Variants in MYLK4 observed in about 807,000 individuals in gnomAD.
MYLK4 encodes the protein myosin light chain kinase family member 4.
In MYLK4, 46 loss-of-function variants were observed where a neutral mutation model predicts 48.1. The ratio of observed to expected loss-of-function variants is 0.96; its 90% confidence interval spans 0.75 to 1.22. MYLK4 has a LOEUF of 1.22. Among genes scored for constraint, MYLK4 ranks in the 50% most tolerant of loss-of-function variants. The pLI is 0.00. For missense variants in MYLK4, 451 were observed against 486.1 expected, an observed-to-expected ratio of 0.93 and a Z score of 0.68; for synonymous variants, 170 against 180.8, an observed-to-expected ratio of 0.94 and a Z score of 0.48.
intron 2 of MYLK4, among the ~76,000 whole-genome samples, chr6:2,738,768 T>C (rs1398733444): frequency 6.6e-6 from 1 of 152,264 alleles, no homozygotes; most frequent in Non-Finnish European, 1.5e-5. Context: ...TCATCACTGA[T>C]AGCGCTTGTT....
At chr6:2,766,966 A>G in the MYLK4 span, among the ~76,000 whole-genome samples, 31 of 152,346 alleles carry the variant, frequency 2.0e-4, no homozygotes, top group Non-Finnish European at 2.6e-4. Context: ...TTTATTTAAC[A>G]TTCTTATATT....
rs1226049275 is a variant in MYLK4 at position 2,665,505 on chromosome 6, TCAAAA to T, written c.*2415_*2419del. 2 of 152,176 alleles carry T rather than the reference TCAAAA, an allele frequency of 1.3e-5. No homozygotes were observed. The highest frequency in any genetic ancestry group is 4.8e-5 in the African/African-American group (2 of 41,436). 9.4% of individuals were successfully genotyped at this position (152,176 alleles called of 1,614,324 possible). A position where few individuals can be genotyped will look rare whatever the true frequency, so the allele number is the denominator to read the frequency against. On this transcript the variant is annotated 3_prime_UTR_variant, in exon 13 of 13. Transcript: ENST00000274643. ...CAAAGTACAGTCTCCTTTCTAAACC[TCAAAA>T]CAAAACAAAAATCACACCCACTCAC... is the stretch of plus-strand genomic sequence containing the variant.
rs142350681 is a variant in MYLK4, at chr6:2,729,327, G to C, written c.159+19809C>G. On this transcript the variant is annotated intron_variant, in intron 2 of 12. Coordinates refer to ENST00000274643, the MANE Select transcript of MYLK4 (RefSeq NM_001012418.5). ...GGAAAGACAGATGGAAGAGAATTCA[G>C]GGACCAGCAAGCACATGGGGTAAAA... Among the ~76,000 whole-genome samples the C allele has an allele frequency of 1.3e-3, 205 of 152,350 alleles. 1 individual carries two copies. The East Asian group carries it at 0.033, about 24-fold the overall frequency.
At chr6:2,763,649 C>T in the MYLK4 span, among the ~76,000 whole-genome samples, 1 of 152,394 alleles carries the variant, frequency 6.6e-6, no homozygotes, top group East Asian at 1.9e-4. Context: ...CGCGCCTCTC[C>T]CACCATACTT....
chr6:2,679,152 C>A (rs1166442905), intron 9 of MYLK4, 128 bp downstream of exon 9: 1 of 1,104,300 alleles, frequency 9.1e-7, no homozygotes, highest in Non-Finnish European at 1.3e-6. Context: ...ACCTAGAAGG[C>A]AACTGAGGAT....
intron 9 of MYLK4, among the ~76,000 whole-genome samples, chr6:2,679,073 C>T (rs1020001966): frequency 6.6e-6 from 1 of 152,160 alleles, no homozygotes; most frequent in Non-Finnish European, 1.5e-5. Flanking sequence ...ATGAAGAGGA[C>T]ACACATTTAC....
the MYLK4 span, among the ~76,000 whole-genome samples, chr6:2,764,869 C>G: frequency 2.0e-5 from 3 of 151,758 alleles, no homozygotes; most frequent in Non-Finnish European, 4.4e-5. Context: ...GTGAGCATTT[C>G]TTTCACTCGC....
In MYLK4 at chr6:2,667,739, G is replaced by A. The variant is rs547984619; in HGVS notation, c.*186C>T. ...GCCCTGAGACCAGACCGCAGCGCTG[G>A]GTGTTCCTCTGAGCGCAGCAGAGGC... is the stretch of plus-strand genomic sequence containing the variant. On this transcript the variant is annotated 3_prime_UTR_variant, in exon 13 of 13. Coordinates refer to ENST00000274643, the MANE Select transcript of MYLK4 (RefSeq NM_001012418.5). The A allele has an allele frequency of 9.2e-5, 14 of 152,704 alleles. No homozygotes were observed. Among genetic ancestry groups the A allele is most frequent in the African/African-American group, 3.1e-4 (13 of 41,548 alleles). 9.5% of individuals were successfully genotyped at this position (152,704 alleles called of 1,614,324 possible). A position where few individuals can be genotyped will look rare whatever the true frequency, so the allele number is the denominator to read the frequency against.
At chr6:2,692,968 G>C in intron 2 of MYLK4, 109 bp from the exon 3 acceptor site, 1 of 988,522 alleles carries the variant, frequency 1.0e-6, no homozygotes, top group East Asian at 2.7e-5. Flanking sequence ...GGAATGTCAC[G>C]AGCATTACAG....
rs529192050 is a variant in MYLK4, at chr6:2,714,696, T to C, written c.160-21837A>G. The stretch of plus-strand genomic sequence containing the variant: ...CAGCTTACTCACAATAGCCAAATGG[T>C]GGAAACAAACCAAGTGTCCGCTGAC... On this transcript the variant is annotated intron_variant, in intron 2 of 12. Coordinates refer to ENST00000274643, the MANE Select transcript of MYLK4 (RefSeq NM_001012418.5). 1.9e-3 allele frequency among the ~76,000 whole-genome samples: 287 copies of C among 152,314 alleles called. 4 individuals are homozygous for C. Among genetic ancestry groups the C allele is most frequent in the Non-Finnish European group, 2.0e-3 (133 of 68,014 alleles).
At chr6:2,769,977 T>G in the MYLK4 span, 1 of 1,204,406 alleles carries the variant, frequency 8.3e-7, no homozygotes, top group Non-Finnish European at 1.2e-6. Flanking sequence ...TGCATCTATA[T>G]TCAGTGAATA....
At chr6:2,766,253 C>G in the MYLK4 span, 1 of 1,523,184 alleles carries the variant, frequency 6.6e-7, no homozygotes, top group South Asian at 1.2e-5. Flanking sequence ...CCCGCACCCC[C>G]GGGCGCTGGC....
chr6:2,728,275 G>A (rs1223781856), intron 2 of MYLK4, among the ~76,000 whole-genome samples: 6 of 152,272 alleles, frequency 3.9e-5, no homozygotes, highest in Admixed American at 6.5e-5. Flanking sequence ...GGTGTTTTTC[G>A]TATGTAAGAC....
At chr6:2,688,099 A>G (rs1393370825) in intron 4 of MYLK4, among the ~76,000 whole-genome samples, 1 of 151,178 alleles carries the variant, frequency 6.6e-6, no homozygotes, top group Admixed American at 6.6e-5. Flanking sequence ...TTACTCTGTC[A>G]CCAGGCTGGA....
chr6:2,667,696 G>C lies in MYLK4; in HGVS notation c.*229C>G, dbSNP rs1229395615. On this transcript the variant is annotated 3_prime_UTR_variant, in exon 13 of 13. Transcript: ENST00000274643. ...ATCTTCCCAACATCACCACCACCGG[G>C]TGCAGGGATGTGTTTGCGCCCTGAG... The C allele has an allele frequency of 6.6e-6, 1 of 152,602 alleles. No homozygotes were observed. The highest frequency in any genetic ancestry group is 1.5e-5 in the Non-Finnish European group (1 of 68,036). The allele number at this position is 152,602 out of a possible 1,614,324, so 9.5% of individuals were successfully genotyped here.
chr6:2,769,190 A>G, the MYLK4 span, among the ~76,000 whole-genome samples: 38 of 152,344 alleles, frequency 2.5e-4, no homozygotes, highest in African/African-American at 9.1e-4. Flanking sequence ...GTCATTGTGA[A>G]CAGTAAAATA....
chr6:2,752,073 C>A (rs149138552), upstream of MYLK4, among the ~76,000 whole-genome samples: 97 of 152,210 alleles, frequency 6.4e-4, no homozygotes, highest in African/African-American at 2.3e-3. Context: ...TGCTGCTGAT[C>A]CAACCACATC....
At chr6:2,698,739 A>G (rs1475600342) in intron 2 of MYLK4, among the ~76,000 whole-genome samples, 1 of 152,262 alleles carries the variant, frequency 6.6e-6, no homozygotes, top group Non-Finnish European at 1.5e-5. Flanking sequence ...GCCTGAGCAT[A>G]GAAGATACTT....
In MYLK4 at chr6:2,742,827, C is replaced by T. The variant is rs533068616; in HGVS notation, c.159+6309G>A. On this transcript the variant is annotated intron_variant, in intron 2 of 12. Transcript: ENST00000274643. ...GGCACATGTATACATATGTAACAAA[C>T]CTGCACATTGTGCACATGTACCCTA... 1.8e-4 allele frequency among the ~76,000 whole-genome samples: 27 copies of T among 151,352 alleles called. No homozygotes were observed. In the South Asian group the frequency reaches 5.3e-3, roughly 30 times the overall value.
Sources: allele counts gnomAD v4.1 joint callset (sites outside exome capture counted in the v4.1 genomes callset), GRCh38; gene constraint gnomAD v4.1.1; transcripts MANE v1.5; gene names NCBI Gene and HGNC (gene_info 2026-07-23, HGNC 2026-07-21).